Variants in STON1 observed in about 807,000 individuals in gnomAD.
STON1 encodes stonin 1, also known as stonin-1.
In STON1, 79 loss-of-function variants were observed where a neutral mutation model predicts 60.9. The observed-to-expected ratio is 1.30, with a 90% CI of 1.08 to 1.56. The LOEUF (loss-of-function observed/expected upper bound fraction) is 1.56, where lower values mean the gene tolerates loss of function less well. Ranked by LOEUF, STON1 falls within the 40% of genes most tolerant of loss-of-function variation. STON1 has a pLI of 0.00. For missense variants in STON1, 1,166 were observed against 858.9 expected, an observed-to-expected ratio of 1.36 and a Z score of -4.47; for synonymous variants, 363 against 306.9, an observed-to-expected ratio of 1.18 and a Z score of -1.91.
intron 1 of STON1, among the ~76,000 whole-genome samples, chr2:48,535,439 A>G (rs1255849706): frequency 6.6e-6 from 1 of 152,158 alleles, no homozygotes; most frequent in Non-Finnish European, 1.5e-5. Context: ...CTCACAGGCA[A>G]GCAGCTCCTG....
intron 1 of STON1, among the ~76,000 whole-genome samples, chr2:48,547,638 T>G (rs1322454567): frequency 1.3e-5 from 2 of 152,192 alleles, no homozygotes. Context: ...CAGGGAAGAC[T>G]TCCAGAAATC....
chr2:48,567,710 G>A (rs1244627443), intron 1 of STON1, among the ~76,000 whole-genome samples: 3 of 152,096 alleles, frequency 2.0e-5, no homozygotes, highest in African/African-American at 7.2e-5. Context: ...GCCAGGAATG[G>A]TATTTTAAAT....
chr2:48,591,684 A>G lies in STON1; in HGVS notation c.1962A>G (p.Lys654=). The change falls in exon 3 of 4, where the codon AAA becomes AAG. Residue 654 remains lysine, a synonymous_variant. Coordinates refer to ENST00000404752, the MANE Select transcript of STON1 (RefSeq NM_006873.4). ...ATCATCCCCATTGTCTGTCATACAA[A>G]TTAGAGCTTGGATCAGACCAAGAAA... The part of the protein sequence containing the change: ...SLDHPHCLSY[K]LELGSDQEIP... 1.2e-6 allele frequency: 2 copies of G among 1,614,152 alleles called. No individual in the cohort carries two copies. The highest frequency in any genetic ancestry group is 1.7e-6 in the Non-Finnish European group (2 of 1,180,030).
Position 48,580,151 on chromosome 2 carries a change from G to T in STON1, c.-47-436G>T, listed in dbSNP as rs531857661. On this transcript the variant is annotated intron_variant, in intron 1 of 3. Coordinates refer to ENST00000404752, the MANE Select transcript of STON1 (RefSeq NM_006873.4). ...TCGAACTGCTGACCTCAGGTGACCT[G>T]CTTGCCTCGGCCTCCCAAAGTGCTG... 2.2e-4 allele frequency among the ~76,000 whole-genome samples: 33 copies of T among 152,162 alleles called. No individual in the cohort carries two copies. The South Asian group carries it at 6.7e-3, about 31-fold the overall frequency.
intron 2 of STON1, among the ~76,000 whole-genome samples, chr2:48,583,392 A>G (rs979410003): frequency 2.6e-5 from 4 of 152,208 alleles, no homozygotes; most frequent in African/African-American, 4.8e-5. Flanking sequence ...TCTGGCCTAA[A>G]CTGGTTGTTT....
Position 48,581,170 on chromosome 2 carries a change from C to G in STON1, c.537C>G (p.Asp179Glu), listed in dbSNP as rs145086840. The G allele has an allele frequency of 6.5e-7, 1 of 1,545,136 alleles. No individual in the cohort carries two copies. Among genetic ancestry groups the G allele is most frequent in the African/African-American group, 1.4e-5 (1 of 72,364 alleles). The change falls in exon 2 of 4, where the codon GAC becomes GAG. Residue 179 changes from aspartate to glutamate, a missense_variant. Physicochemically the swap from Asp to Glu is conservative, Grantham distance 45. Coordinates refer to ENST00000404752, the MANE Select transcript of STON1 (RefSeq NM_006873.4). ...CCCAGTTTCAGTATTTTCGAGAGGA[C>G]TGTGCTTTTTCAAGTCCATTTTGGA... The part of the protein sequence containing the change: ...DLPQFQYFRE[D>E]CAFSSPFWKD...
intron 3 of STON1, among the ~76,000 whole-genome samples, chr2:48,594,922 G>T (rs1165319475): frequency 6.6e-6 from 1 of 152,158 alleles, no homozygotes; most frequent in East Asian, 1.9e-4. Context: ...TGTCTAGTCA[G>T]ATCTGTAAAT....
At chr2:48,559,531 C>T (rs1011070888) in intron 1 of STON1, among the ~76,000 whole-genome samples, 2 of 152,180 alleles carry the variant, frequency 1.3e-5, no homozygotes, top group African/African-American at 4.8e-5. Flanking sequence ...GTTACTGTCA[C>T]ATTGGGGATT....
Position 48,582,361 on chromosome 2 carries a change from G to A in STON1, c.1728G>A (p.Ser576=), listed in dbSNP as rs375300132. 18 of 1,614,134 alleles carry A rather than the reference G, an allele frequency of 1.1e-5. No individual in the cohort carries two copies. Among genetic ancestry groups the A allele is most frequent in the Middle Eastern group, 1.6e-4 (1 of 6,062 alleles). ...DNIRIHFPVP[S]QWIKALWTMN... ...TAAGGATACACTTTCCTGTCCCATC[G>A]CAGTGGATCAAGGCCCTTTGGACCA... The change falls in exon 2 of 4, where the codon TCG becomes TCA. Residue 576 remains serine, a synonymous_variant. Transcript: ENST00000404752.
In STON1 at chr2:48,591,723, G is replaced by A. The variant is rs1300908948; in HGVS notation, c.2001G>A (p.Trp667Ter). Residue 667 changes from tryptophan to a stop codon, truncating the protein, a stop_gained, in exon 3 of 4, where the codon TGG becomes TGA. Transcript: ENST00000404752. LOFTEE classifies it high-confidence loss of function. ...LGSDQEIPSD[W>*]YPFATVQFSV... ...CAGACCAAGAAATTCCCTCTGATTGGTATCCATTTGCTACTGTTCAGTTTT... is the reference window on the plus strand; with the variant it reads ...CAGACCAAGAAATTCCCTCTGATTGATATCCATTTGCTACTGTTCAGTTTT... The A allele has an allele frequency of 2.5e-6, 4 of 1,613,942 alleles. No homozygotes were observed. Among genetic ancestry groups the A allele is most frequent in the Admixed American group, 1.7e-5 (1 of 59,986 alleles).
At chr2:48,566,830 G>A (rs1396884272) in intron 1 of STON1, among the ~76,000 whole-genome samples, 1 of 152,180 alleles carries the variant, frequency 6.6e-6, no homozygotes, top group African/African-American at 2.4e-5. Flanking sequence ...AAGAGGGGCT[G>A]GTGTTGTGGT....
intron 1 of STON1, among the ~76,000 whole-genome samples, chr2:48,574,474 C>T (rs1418672050): frequency 6.6e-6 from 1 of 151,966 alleles, no homozygotes; most frequent in Non-Finnish European, 1.5e-5. Flanking sequence ...AGCCACTGAA[C>T]TGACACTTTT....
intron 1 of STON1, among the ~76,000 whole-genome samples, chr2:48,555,388 A>C (rs1369724756): frequency 2.3e-5 from 1 of 43,704 alleles, no homozygotes; most frequent in Non-Finnish European, 4.7e-5. Flanking sequence ...ACTTCCCAGT[A>C]GGGGCGGCCG....
At chr2:48,575,036 T>G (rs961340098) in intron 1 of STON1, among the ~76,000 whole-genome samples, 2 of 152,258 alleles carry the variant, frequency 1.3e-5, no homozygotes, top group African/African-American at 4.8e-5. Flanking sequence ...TACTCCCAGT[T>G]CCTGGCAAAT....
intron 2 of STON1, among the ~76,000 whole-genome samples, chr2:48,585,208 C>T (rs1473774963): frequency 6.6e-6 from 1 of 152,038 alleles, no homozygotes; most frequent in Non-Finnish European, 1.5e-5. Flanking sequence ...AGGTCAGTAT[C>T]TTCTATGATA....
intron 1 of STON1, among the ~76,000 whole-genome samples, chr2:48,564,484 TTCTTCTTCTTCTTCTTCTTC>T (rs1672793017): frequency 3.4e-4 from 8 of 23,288 alleles, no homozygotes; most frequent in Non-Finnish European, 5.2e-4. Flanking sequence ...TTCTTCTTTC[TTCTTCTTCTTCTTCTTCTTC>T]TTCTTCTTCT....
At position 48,560,995 on chromosome 2, in the gene STON1, C is replaced by T. The variant is rs536280689; in HGVS notation, c.-47-19592C>T. Among the ~76,000 whole-genome samples the T allele has an allele frequency of 3.9e-5, 6 of 152,340 alleles. No individual in the cohort carries two copies. The East Asian group carries it at 1.2e-3, about 29-fold the overall frequency. ...GGGCTCCTCCACCTCCTGGTTTCACCTTAGCTTTTTGTGTGTGTCTTACTT... is the reference window on the plus strand; with the variant it reads ...GGGCTCCTCCACCTCCTGGTTTCACTTTAGCTTTTTGTGTGTGTCTTACTT... On this transcript the variant is annotated intron_variant, in intron 1 of 3. Coordinates refer to ENST00000404752, the MANE Select transcript of STON1 (RefSeq NM_006873.4).
chr2:48,539,650 T>C (rs766553786), intron 1 of STON1, among the ~76,000 whole-genome samples: 32 of 152,052 alleles, frequency 2.1e-4, no homozygotes, highest in Non-Finnish European at 4.3e-4. Flanking sequence ...TACAGGGGCA[T>C]GCCAGCACAC....
chr2:48,576,306 C>A (rs1213311926), intron 1 of STON1, among the ~76,000 whole-genome samples: 1 of 146,382 alleles, frequency 6.8e-6, no homozygotes, highest in Non-Finnish European at 1.5e-5. Context: ...TCTCATGCCT[C>A]AGCCTCCTGA....
Sources: gnomAD v4.1 joint callset for allele counts (sites outside exome capture counted in the v4.1 genomes callset) on GRCh38, gnomAD v4.1.1 for gene constraint, MANE v1.5 for transcripts, NCBI Gene and HGNC (gene_info 2026-07-23, HGNC 2026-07-21) for gene names.